The following KANK1 variants were observed in gnomAD, a reference collection of about 807,000 sequenced individuals.
KANK1 encodes the protein KN motif and ankyrin repeat domain-containing protein 1.
In KANK1, 109 loss-of-function variants were observed where a neutral mutation model predicts 106.2. That is an observed-to-expected ratio of 1.03 (90% CI 0.88 to 1.20). KANK1 has a LOEUF of 1.20. KANK1 is among the 50% of genes most tolerant of loss of function. The pLI is 0.00. For synonymous variants in KANK1, 873 were observed against 652.2 expected, an observed-to-expected ratio of 1.34 and a Z score of -5.16; for missense variants, 2,399 against 1,710.7, an observed-to-expected ratio of 1.40 and a Z score of -7.10.
intron 1 of KANK1, among the ~76,000 whole-genome samples, chr9:649,347 C>A (rs1234963244): frequency 6.6e-6 from 1 of 152,082 alleles, no homozygotes; most frequent in Non-Finnish European, 1.5e-5. Flanking sequence ...CCCTCGAAAG[C>A]GTCCCAATTT....
chr9:509,106 AT>A (rs574481186), intron 1 of KANK1, among the ~76,000 whole-genome samples: 128 of 149,498 alleles, frequency 8.6e-4, no homozygotes, highest in African/African-American at 2.5e-3. Flanking sequence ...CCTATTTATT[AT>A]TTTTTTTTTG....
At position 553,496 on chromosome 9, in the gene KANK1, A is replaced by G. The variant is rs1251635118; in HGVS notation, c.-84+48742A>G. Among the ~76,000 whole-genome samples the G allele has an allele frequency of 2.0e-5, 3 of 152,314 alleles. No individual in the cohort carries two copies. In the South Asian group the frequency reaches 6.2e-4, roughly 32 times the overall value. ...GTGATCAAGCTGAGTCCTCAGCTTC[A>G]TATCTTCTCAGGGTCCTTGATCTTC... On this transcript the variant is annotated intron_variant, in intron 1 of 11. Transcript: ENST00000382297.
At position 601,856 on chromosome 9, in the gene KANK1, A is replaced by G. The variant is rs1487324375; in HGVS notation, c.-83-75034A>G. Among the ~76,000 whole-genome samples the G allele has an allele frequency of 5.9e-5, 9 of 151,872 alleles. No individual in the cohort carries two copies. The East Asian group carries it at 1.7e-3, about 29-fold the overall frequency. On this transcript the variant is annotated intron_variant, in intron 1 of 11. Coordinates refer to ENST00000382297, the MANE Select transcript of KANK1 (RefSeq NM_015158.5). ...ACTTTTGGAATCAGTCACTTCCCTA[A>G]GGAGCCTGGGTCCTTTTACTGGACA...
At chr9:639,702 C>T (rs1013398804) in intron 1 of KANK1, among the ~76,000 whole-genome samples, 1 of 152,186 alleles carries the variant, frequency 6.6e-6, no homozygotes, top group African/African-American at 2.4e-5. Context: ...CGTCTTAGTC[C>T]ATTCAGGCTG....
At chr9:735,068 G>T (rs1206153174) in intron 7 of KANK1, among the ~76,000 whole-genome samples, 1 of 152,190 alleles carries the variant, frequency 6.6e-6, no homozygotes, top group Non-Finnish European at 1.5e-5. Flanking sequence ...ACTTTTCCTG[G>T]GGTGGAGGCA....
chr9:502,669 C>T (rs2058578236), upstream of KANK1, among the ~76,000 whole-genome samples: 1 of 151,960 alleles, frequency 6.6e-6, no homozygotes, highest in Admixed American at 6.6e-5. Flanking sequence ...ATTACAGGTG[C>T]ACGTCACCAC....
At chr9:695,661 G>T (rs569564704) in intron 2 of KANK1, among the ~76,000 whole-genome samples, 52 of 151,864 alleles carry the variant, frequency 3.4e-4, no homozygotes, top group Middle Eastern at 6.8e-3. Context: ...TCTCTGGGGG[G>T]CCAGGGTTGT....
At chr9:628,591 A>C (rs914345450) in intron 1 of KANK1, among the ~76,000 whole-genome samples, 7 of 152,174 alleles carry the variant, frequency 4.6e-5, no homozygotes, top group Non-Finnish European at 8.8e-5. Flanking sequence ...CTTGAACCAC[A>C]GTGGTGGTGA....
chr9:691,343 T>A (rs774517037), intron 2 of KANK1, among the ~76,000 whole-genome samples: 2 of 151,952 alleles, frequency 1.3e-5, no homozygotes, highest in Non-Finnish European at 2.9e-5. Context: ...ATTCAGTACT[T>A]TATTCGTTTA....
chr9:560,501 G>T (rs144837835), intron 1 of KANK1, among the ~76,000 whole-genome samples: 132 of 152,340 alleles, frequency 8.7e-4, no homozygotes, highest in African/African-American at 3.1e-3. Context: ...ATTGTGGGCA[G>T]GATGTAGGGA....
At chr9:519,023 T>C (rs969325323) in intron 1 of KANK1, among the ~76,000 whole-genome samples, 1 of 151,602 alleles carries the variant, frequency 6.6e-6, no homozygotes, top group Non-Finnish European at 1.5e-5. Flanking sequence ...CCCGAGTAGC[T>C]GGGATTACAG....
Position 731,233 on chromosome 9 carries a change from A to T in KANK1, c.2972A>T (p.Lys991Ile). Residue 991 changes from lysine to isoleucine, a missense_variant, in exon 5 of 12, where the codon AAA becomes ATA. By Grantham distance (102) the Lys-to-Ile change is moderately radical. Coordinates refer to ENST00000382297, the MANE Select transcript of KANK1 (RefSeq NM_015158.5). ...KDGNKDSNGA[K>I]KNLQFVGING... ...GGTAACAAAGATTCAAATGGCGCAA[A>T]AAAGAATCTTCAGTTTGTTGGCATT... 6.2e-7 allele frequency: 1 copy of T among 1,610,252 alleles called. No homozygotes were observed. The highest frequency in any genetic ancestry group is 8.5e-7 in the Non-Finnish European group (1 of 1,176,646).
chr9:696,415 G>C (rs1159683072), intron 2 of KANK1, among the ~76,000 whole-genome samples: 1 of 152,194 alleles, frequency 6.6e-6, no homozygotes, highest in Non-Finnish European at 1.5e-5. Context: ...GGAAACAAGA[G>C]GGAAGAAGGG....
chr9:559,519 TAAAA>T (rs1432637275), intron 1 of KANK1, among the ~76,000 whole-genome samples: 1 of 152,190 alleles, frequency 6.6e-6, no homozygotes. Context: ...TTGGGACACT[TAAAA>T]AAGTCTTGCA....
At chr9:607,926 C>G (rs971829742) in intron 1 of KANK1, among the ~76,000 whole-genome samples, 3 of 150,628 alleles carry the variant, frequency 2.0e-5, no homozygotes, top group African/African-American at 7.4e-5. Flanking sequence ...TTCATTTTTC[C>G]TTGTGAACAT....
intron 3 of KANK1, chr9:484,362 A>G (rs915132842): frequency 1.6e-4 from 25 of 152,236 alleles, no homozygotes; most frequent in Admixed American, 9.2e-4. Context: ...CTTCTCAGGG[A>G]TGTTGTGAAG....
At chr9:694,539 A>G (rs545241684) in intron 2 of KANK1, among the ~76,000 whole-genome samples, 1 of 152,256 alleles carries the variant, frequency 6.6e-6, no homozygotes, top group Non-Finnish European at 1.5e-5. Flanking sequence ...CTGTTTTGAG[A>G]CAGATTTGGG....
In KANK1 at chr9:731,194, TGAA is replaced by T; in HGVS notation, c.2940_2942del (p.Lys981del). The T allele has an allele frequency of 6.2e-7, 1 of 1,612,116 alleles. No homozygotes were observed. Among genetic ancestry groups the T allele is most frequent in the South Asian group, 1.1e-5 (1 of 90,932 alleles). Reference sequence around the variant, plus strand: ...AATGAAAGTACACTGAAGTCCATCATGAAGAAGAAAGATGGTAACAAAGATTCA... The same window carrying T: ...AATGAAAGTACACTGAAGTCCATCATGAAGAAAGATGGTAACAAAGATTCA... On this transcript the variant is annotated inframe_deletion, in exon 5 of 12. Coordinates refer to ENST00000382297, the MANE Select transcript of KANK1 (RefSeq NM_015158.5).
intron 1 of KANK1, among the ~76,000 whole-genome samples, chr9:572,308 G>A (rs887297420): frequency 2.0e-5 from 3 of 151,758 alleles, no homozygotes; most frequent in Non-Finnish European, 4.4e-5. Context: ...TGCTTGTGCT[G>A]CCATACCCAG....
Sources: allele counts gnomAD v4.1 joint callset (sites outside exome capture counted in the v4.1 genomes callset), GRCh38; gene constraint gnomAD v4.1.1; transcripts MANE v1.5; gene names NCBI Gene and HGNC (gene_info 2026-07-23, HGNC 2026-07-21).